USP54: variants seen among roughly 807,000 people sequenced by gnomAD.
The protein encoded by USP54 is ubiquitin carboxyl-terminal hydrolase 54.
In USP54, 87 loss-of-function variants were observed where a neutral mutation model predicts 170.5. That is an observed-to-expected ratio of 0.51 (90% CI 0.43 to 0.61). USP54 has a LOEUF of 0.61. Among genes scored for constraint, USP54 ranks in the 20% least tolerant of loss-of-function variants. The pLI is 0.00. For missense variants in USP54, 1,786 were observed against 2,047.8 expected, an observed-to-expected ratio of 0.87 and a Z score of 2.47; for synonymous variants, 655 against 742.8, an observed-to-expected ratio of 0.88 and a Z score of 1.92.
rs1388907551 is a variant in USP54 at position 73,516,441 on chromosome 10, C to T, written c.3985G>A (p.Ala1329Thr). ...CATCCAGAACAGCCAGCTTGAGAAGCCTGAAGACTGGCCTGATACAGAGAC... is the reference window on the plus strand; with the variant it reads ...CATCCAGAACAGCCAGCTTGAGAAGTCTGAAGACTGGCCTGATACAGAGAC... The part of the protein sequence containing the change: ...LESLYQASLQ[A>T]SQAGCSGWGQ... The change falls in exon 20 of 24, where the codon GCT (alanine) becomes ACT (threonine). Residue 1329 changes from alanine to threonine, a missense_variant. Ala to Thr is a moderately conservative substitution (Grantham distance 58). Transcript: ENST00000687698. 1 of 1,614,000 alleles carries T rather than the reference C, an allele frequency of 6.2e-7. No homozygotes were observed. The highest frequency in any genetic ancestry group is 1.7e-5 in the Admixed American group (1 of 59,998).
intron 4 of USP54, among the ~76,000 whole-genome samples, chr10:73,567,628 C>T (rs1169271211): frequency 1.3e-5 from 2 of 152,088 alleles, no homozygotes; most frequent in East Asian, 1.9e-4. Context: ...GCTGAGGTCG[C>T]GCCATTGCAC....
chr10:73,527,837 CAAA>C (rs1015620084), intron 15 of USP54, among the ~76,000 whole-genome samples: 3 of 43,716 alleles, frequency 6.9e-5, no homozygotes, highest in African/African-American at 1.7e-4. Flanking sequence ...CCATCGATAC[CAAA>C]AAAAAAAAAA....
chr10:73,623,209 C>T (rs1336327564), intron 1 of USP54, among the ~76,000 whole-genome samples: 1 of 152,086 alleles, frequency 6.6e-6, no homozygotes, highest in Non-Finnish European at 1.5e-5. Flanking sequence ...ATAGCAAGAC[C>T]TCGTCTCTAC....
chr10:73,558,123 G>A (rs1241901456), intron 4 of USP54, among the ~76,000 whole-genome samples: 1 of 151,772 alleles, frequency 6.6e-6, no homozygotes. Context: ...CTCATGATCC[G>A]CCCACTTCGG....
chr10:73,500,614 T>G, intron 23 of USP54, 41 bp downstream of exon 23: 1 of 1,544,442 alleles, frequency 6.5e-7, no homozygotes, highest in Non-Finnish European at 8.7e-7. Flanking sequence ...CCTGAAAAGG[T>G]ACCAAATTCT....
chr10:73,572,949 C>T (rs2075459055), intron 3 of USP54, among the ~76,000 whole-genome samples: 1 of 152,080 alleles, frequency 6.6e-6, no homozygotes, highest in Non-Finnish European at 1.5e-5. Context: ...TTGCCTGCTT[C>T]TAAATCACAA....
chr10:73,602,496 T>A lies in USP54; in HGVS notation c.-18+23071A>T, dbSNP rs1195293327. ...TGAACCCAGGAGGCAGAGCTTGCAG[T>A]AAGCTGAGATCATGCTACTGCACTC... On this transcript the variant is annotated intron_variant, in intron 1 of 22. Transcript: ENST00000339859. Among the ~76,000 whole-genome samples, 3 of 150,430 alleles carry A rather than the reference T, an allele frequency of 2.0e-5. No individual in the cohort carries two copies. The East Asian group carries it at 5.9e-4, about 30-fold the overall frequency.
At chr10:73,583,111 C>T (rs983135141) in intron 1 of USP54, among the ~76,000 whole-genome samples, 1 of 152,070 alleles carries the variant, frequency 6.6e-6, no homozygotes, top group African/African-American at 2.4e-5. Flanking sequence ...GATCAATACT[C>T]TACAAAAATG....
At chr10:73,534,193 C>G (rs1268133521) in intron 12 of USP54, among the ~76,000 whole-genome samples, 2 of 151,924 alleles carry the variant, frequency 1.3e-5, no homozygotes, top group Non-Finnish European at 2.9e-5. Context: ...TTTCTGACTT[C>G]CCCCAGTTTC....
chr10:73,538,493 GA>G (rs993897828), intron 10 of USP54: 75 of 142,408 alleles, frequency 5.3e-4, no homozygotes, highest in Middle Eastern at 3.7e-3. Flanking sequence ...CTATTTTCTA[GA>G]AAAAAAAAAA....
At chr10:73,613,028 G>C (rs1483077047) in intron 1 of USP54, among the ~76,000 whole-genome samples, 1 of 151,316 alleles carries the variant, frequency 6.6e-6, no homozygotes, top group African/African-American at 2.4e-5. Flanking sequence ...ATGGTGGTGC[G>C]TGCCTCTGGT....
At chr10:73,546,917 G>T (rs1214159189) in intron 4 of USP54, among the ~76,000 whole-genome samples, 1 of 152,026 alleles carries the variant, frequency 6.6e-6, no homozygotes, top group African/African-American at 2.4e-5. Context: ...CCATATTCTT[G>T]TCAAAAATTA....
chr10:73,598,300 T>C (rs892937052), intron 1 of USP54, among the ~76,000 whole-genome samples: 1 of 152,198 alleles, frequency 6.6e-6, no homozygotes, highest in Non-Finnish European at 1.5e-5. Flanking sequence ...GAGAAAAAGT[T>C]GGACTCCTAT....
chr10:73,499,488 C>T (rs556010366), intron 23 of USP54: 2 of 294,672 alleles, frequency 6.8e-6, no homozygotes, highest in African/African-American at 4.3e-5. Context: ...AGAAGGGCTC[C>T]CTAATATATA....
rs542187379 is a variant in USP54, at chr10:73,620,659, C to A, written c.-18+4908G>T. On this transcript the variant is annotated intron_variant, in intron 1 of 22. Coordinates refer to the USP54 transcript ENST00000339859. ...TTACAAAGATATAAAATTTGGGGGC[C>A]GGGAGTGGTGGCTCACGCCTGTAAT... Among the ~76,000 whole-genome samples, 54 of 149,304 alleles carry A rather than the reference C, an allele frequency of 3.6e-4. 1 individual carries two copies. The highest frequency in any genetic ancestry group is 1.1e-3 in the African/African-American group (45 of 39,400).
intron 16 of USP54, among the ~76,000 whole-genome samples, chr10:73,524,475 G>A (rs1167120872): frequency 6.6e-6 from 1 of 151,986 alleles, no homozygotes; most frequent in African/African-American, 2.4e-5. Flanking sequence ...AGCTACTCGG[G>A]AGGCTGAGGC....
At chr10:73,548,063 G>A (rs1031847873) in intron 4 of USP54, among the ~76,000 whole-genome samples, 15 of 151,940 alleles carry the variant, frequency 9.9e-5, no homozygotes, top group East Asian at 1.9e-4. Context: ...ATCAAAAGGC[G>A]GGCAAAAGAT....
At chr10:73,587,784 C>T (rs2077697996) in intron 1 of USP54, among the ~76,000 whole-genome samples, 1 of 151,942 alleles carries the variant, frequency 6.6e-6, no homozygotes, top group African/African-American at 2.4e-5. Context: ...TATAATTAGC[C>T]CAGTGCCTAA....
At chr10:73,528,083 G>A (rs548227497) in intron 15 of USP54, among the ~76,000 whole-genome samples, 11 of 150,552 alleles carry the variant, frequency 7.3e-5, no homozygotes, top group Admixed American at 1.3e-4. Context: ...CTAGAGGTGC[G>A]CGCCACCATG....
Sources: allele counts gnomAD v4.1 joint callset (sites outside exome capture counted in the v4.1 genomes callset), GRCh38; gene constraint gnomAD v4.1.1; transcripts MANE v1.5; gene names NCBI Gene and HGNC (gene_info 2026-07-23, HGNC 2026-07-21).